MYO18B: variants seen among roughly 807,000 people sequenced by gnomAD.
MYO18B encodes unconventional myosin-XVIIIb.
MYO18B carries 204 observed loss-of-function variants against 273.0 expected under a neutral mutation model. The observed-to-expected ratio is 0.75, with a 90% CI of 0.67 to 0.84. The LOEUF (loss-of-function observed/expected upper bound fraction) is 0.84. Ranked by LOEUF, MYO18B falls within the 40% of genes least tolerant of loss-of-function variation. The pLI is 0.00. For missense variants in MYO18B, 3,212 were observed against 3,287.6 expected (o/e 0.98, Z 0.56); for synonymous variants, 1,330 against 1,305.7 (o/e 1.02, Z -0.40).
chr22:25,868,199 C>A, intron 21 of MYO18B, 121 bp from the exon 22 acceptor site: 1 of 805,364 alleles, frequency 1.2e-6, no homozygotes, highest in South Asian at 1.7e-5. Flanking sequence ...TTAGCCAAAG[C>A]TCACAGACAT....
At chr22:25,861,076 G>A (rs1296301344) in intron 21 of MYO18B, among the ~76,000 whole-genome samples, 2 of 151,928 alleles carry the variant, frequency 1.3e-5, no homozygotes, top group African/African-American at 4.8e-5. Context: ...TAGAGATAGG[G>A]TCTTACTGTG....
At chr22:25,915,440 G>T (rs189938445) in intron 33 of MYO18B, among the ~76,000 whole-genome samples, 14 of 152,048 alleles carry the variant, frequency 9.2e-5, no homozygotes, top group African/African-American at 3.1e-4. Context: ...TGACACAGTG[G>T]TAAGTATTTG....
rs113139701 is a variant in MYO18B at position 25,851,225 on chromosome 22, A to G, written c.3776-245A>G. Reference sequence around the variant, plus strand: ...GGCGGATGAGTGTGCAGCTTTTTCAAACTTTCAGTGGAGCATTTTATAGGG... The same window carrying G: ...GGCGGATGAGTGTGCAGCTTTTTCAGACTTTCAGTGGAGCATTTTATAGGG... On this transcript the variant is annotated intron_variant, in intron 20 of 43. Coordinates refer to ENST00000335473, the MANE Select transcript of MYO18B (RefSeq NM_032608.7). Among the ~76,000 whole-genome samples the G allele has an allele frequency of 3.9e-4, 60 of 152,246 alleles. 1 individual carries two copies. The highest frequency in any genetic ancestry group is 3.1e-3 in the Admixed American group (48 of 15,296).
chr22:25,961,796 G>A (rs761487682), intron 39 of MYO18B, among the ~76,000 whole-genome samples: 29 of 152,198 alleles, frequency 1.9e-4, no homozygotes, highest in Non-Finnish European at 2.4e-4. Context: ...CTCATAGGAG[G>A]TGTTTGGGCA....
At chr22:25,769,889 T>C (rs1195623962) in intron 4 of MYO18B, 4 of 544,112 alleles carry the variant, frequency 7.4e-6, no homozygotes, top group African/African-American at 1.9e-5. Flanking sequence ...GGAGTCTTGC[T>C]CTGTCACCCA....
At chr22:25,792,124 C>T (rs1309532036) in intron 11 of MYO18B, among the ~76,000 whole-genome samples, 6 of 152,138 alleles carry the variant, frequency 3.9e-5, no homozygotes, top group African/African-American at 1.4e-4. Context: ...AAAGCAACAC[C>T]CTTGGATGAC....
chr22:25,805,342 T>C (rs2088420486), intron 12 of MYO18B, among the ~76,000 whole-genome samples: 1 of 152,192 alleles, frequency 6.6e-6, no homozygotes, highest in Non-Finnish European at 1.5e-5. Context: ...GCCTCTTCCT[T>C]CCACTGCAGC....
chr22:25,899,651 T>C (rs1257404795), intron 29 of MYO18B: 1 of 152,248 alleles, frequency 6.6e-6, no homozygotes, highest in Non-Finnish European at 1.5e-5. Context: ...ATTTATTTTT[T>C]GTTTATTGAT....
At chr22:25,877,894 C>T in intron 24 of MYO18B, 65 bp from the exon 25 acceptor site, 2 of 1,395,860 alleles carry the variant, frequency 1.4e-6, no homozygotes, top group South Asian at 1.3e-5. Flanking sequence ...TTTGCTCACT[C>T]CTAACACAGG....
intron 25 of MYO18B, among the ~76,000 whole-genome samples, chr22:25,879,933 A>G (rs1169550289): frequency 1.3e-5 from 2 of 152,126 alleles, no homozygotes; most frequent in Non-Finnish European, 2.9e-5. Context: ...GAACGCACTC[A>G]CTATCACTAG....
At chr22:25,918,007 A>C (rs1286632296) in intron 33 of MYO18B, among the ~76,000 whole-genome samples, 1 of 152,240 alleles carries the variant, frequency 6.6e-6, no homozygotes, top group African/African-American at 2.4e-5. Flanking sequence ...ATTGCATAGC[A>C]AGTTAGTACC....
At chr22:25,756,103 T>C (rs2086112185) in intron 1 of MYO18B, among the ~76,000 whole-genome samples, 1 of 152,066 alleles carries the variant, frequency 6.6e-6, no homozygotes, top group South Asian at 2.1e-4. Context: ...TTCACCGTGT[T>C]AGCCAGGATG....
At chr22:26,043,468 A>G in the MYO18B span, among the ~76,000 whole-genome samples, 2 of 145,608 alleles carry the variant, frequency 1.4e-5, no homozygotes, top group Non-Finnish European at 3.0e-5. Context: ...TATATGTGCA[A>G]TTTCTTGAGA....
Position 25,868,089 on chromosome 22 carries a change from A to G in MYO18B, c.3886-231A>G, listed in dbSNP as rs182700525. On this transcript the variant is annotated intron_variant, in intron 21 of 43. Coordinates refer to ENST00000335473, the MANE Select transcript of MYO18B (RefSeq NM_032608.7). ...GTATCTTTGGTTTTCTGCTCTGTAA[A>G]ATAGGAGGATGAAACAAATTGGTGT... 3.3e-3 allele frequency among the ~76,000 whole-genome samples: 509 copies of G among 152,334 alleles called. 17 individuals are homozygous for G. The highest frequency in any genetic ancestry group is 7.7e-4 in the East Asian group (4 of 5,178).
intron 17 of MYO18B, among the ~76,000 whole-genome samples, chr22:25,838,455 C>T (rs757535478): frequency 2.0e-5 from 3 of 152,186 alleles, no homozygotes; most frequent in Non-Finnish European, 4.4e-5. Flanking sequence ...CCGCCTCGGC[C>T]TCCCAAAGTG....
intron 34 of MYO18B, among the ~76,000 whole-genome samples, chr22:25,938,484 C>T (rs892337534): frequency 1.3e-5 from 2 of 152,298 alleles, no homozygotes; most frequent in Non-Finnish European, 1.5e-5. Flanking sequence ...CACTAGCACA[C>T]AAGTCTGACC....
chr22:25,753,842 G>A lies in MYO18B; in HGVS notation c.-109-7142G>A, dbSNP rs140210718. 5.7e-3 allele frequency among the ~76,000 whole-genome samples: 875 copies of A among 152,314 alleles called. 7 individuals carry two copies. Among genetic ancestry groups the A allele is most frequent in the African/African-American group, 0.019 (805 of 41,560 alleles). On this transcript the variant is annotated intron_variant, in intron 1 of 43. Transcript: ENST00000335473. Reference sequence around the variant, plus strand: ...AGAAGGAACAAACTCTGGATATACCGTCTTTAAGAACTGTTAACACTCACT... The same window carrying A: ...AGAAGGAACAAACTCTGGATATACCATCTTTAAGAACTGTTAACACTCACT...
intron 19 of MYO18B, 64 bp from the exon 20 acceptor site, chr22:25,847,366 G>A (rs763324459): frequency 6.3e-5 from 89 of 1,418,408 alleles, no homozygotes; most frequent in Non-Finnish European, 6.8e-5. Context: ...ATTTGGAGAG[G>A]GTCCAGTCCC....
chr22:25,922,448 A>G (rs1172244642), intron 34 of MYO18B, among the ~76,000 whole-genome samples: 1 of 152,176 alleles, frequency 6.6e-6, no homozygotes, highest in Non-Finnish European at 1.5e-5. Flanking sequence ...AAGCTGAATG[A>G]TGTAGCAGGA....
Sources: allele counts gnomAD v4.1 joint callset (sites outside exome capture counted in the v4.1 genomes callset), GRCh38; gene constraint gnomAD v4.1.1; transcripts MANE v1.5; gene names NCBI Gene and HGNC (gene_info 2026-07-23, HGNC 2026-07-21).